The following EDIL3 variants were observed in gnomAD, a reference collection of about 807,000 sequenced individuals.
EDIL3 encodes EGF-like repeat and discoidin I-like domain-containing protein 3.
Under a neutral mutation model 67.4 loss-of-function variants are expected in EDIL3, and 37 were observed. The ratio of observed to expected loss-of-function variants is 0.55; its 90% confidence interval spans 0.42 to 0.72. EDIL3 has a LOEUF of 0.72. Among genes scored for constraint, EDIL3 ranks in the 30% least tolerant of loss-of-function variants. EDIL3 has a pLI of 0.00. For missense variants in EDIL3, 527 were observed against 586.3 expected (o/e 0.90, Z 1.04); for synonymous variants, 195 against 196.3 (o/e 0.99, Z 0.05).
chr5:84,285,225 A>G (rs187453518), intron 1 of EDIL3, among the ~76,000 whole-genome samples: 1 of 152,374 alleles, frequency 6.6e-6, no homozygotes, highest in Non-Finnish European at 1.5e-5. Flanking sequence ...ATTCTAAGGA[A>G]AAGCTTACTG....
At chr5:84,221,835 T>A (rs188607031) in intron 3 of EDIL3, among the ~76,000 whole-genome samples, 54 of 152,140 alleles carry the variant, frequency 3.5e-4, no homozygotes, top group African/African-American at 1.2e-3. Flanking sequence ...AGGGAAAATA[T>A]GTATTTATGT....
At chr5:84,303,660 A>G (rs899944394) in intron 1 of EDIL3, among the ~76,000 whole-genome samples, 1 of 152,234 alleles carries the variant, frequency 6.6e-6, no homozygotes, top group Admixed American at 6.5e-5. Context: ...ATAATTTTTA[A>G]TTTCAAAAGT....
intron 9 of EDIL3, among the ~76,000 whole-genome samples, chr5:84,047,028 G>A (rs567085384): frequency 6.6e-6 from 1 of 152,134 alleles, no homozygotes; most frequent in East Asian, 1.9e-4. Flanking sequence ...TCAGTTCCTT[G>A]CACCTGACAT....
chr5:84,193,448 A>C (rs764042463), intron 3 of EDIL3, among the ~76,000 whole-genome samples: 8 of 151,934 alleles, frequency 5.3e-5, no homozygotes, highest in African/African-American at 2.4e-5. Flanking sequence ...GATCATGAGT[A>C]ATCTTTATGG....
At chr5:84,216,252 G>A (rs926302764) in intron 3 of EDIL3, among the ~76,000 whole-genome samples, 1 of 152,124 alleles carries the variant, frequency 6.6e-6, no homozygotes, top group Non-Finnish European at 1.5e-5. Context: ...ATGGATGAAG[G>A]CAGTCAGGGA....
intron 3 of EDIL3, among the ~76,000 whole-genome samples, chr5:84,201,405 T>C (rs1014299266): frequency 6.6e-6 from 1 of 152,108 alleles, no homozygotes; most frequent in Admixed American, 6.6e-5. Flanking sequence ...AAATGTTATG[T>C]AAGCTATACA....
chr5:83,947,495 G>A (rs4703977), intron 10 of EDIL3, among the ~76,000 whole-genome samples: 15,052 of 151,396 alleles, frequency 0.099, 1,022 homozygotes, highest in East Asian at 0.3. Context: ...TAATGGAGAA[G>A]TTAAATAAGA....
intron 9 of EDIL3, among the ~76,000 whole-genome samples, chr5:83,996,097 G>A (rs1034634159): frequency 1.3e-5 from 2 of 152,082 alleles, no homozygotes; most frequent in African/African-American, 4.8e-5. Context: ...AGGAGAGCAC[G>A]GTGTTTCTGA....
At chr5:84,019,557 TAAAATA>T (rs1414807697) in intron 9 of EDIL3, among the ~76,000 whole-genome samples, 1 of 151,454 alleles carries the variant, frequency 6.6e-6, no homozygotes, top group Non-Finnish European at 1.5e-5. Flanking sequence ...AATAAAAAAA[TAAAATA>T]AAAATAACAA....
chr5:84,378,975 T>C (rs1748025089), intron 1 of EDIL3, among the ~76,000 whole-genome samples: 1 of 152,096 alleles, frequency 6.6e-6, no homozygotes, highest in South Asian at 2.1e-4. Flanking sequence ...TCACTATCAA[T>C]TTTACAGTAG....
Position 84,005,000 on chromosome 5 carries a change from C to T in EDIL3, c.1138-41640G>A, listed in dbSNP as rs372205079. ...AAATAAACACAATCAGAAATGACAACGATGCCATTACAATTGATTCCGCAG... is the reference window on the plus strand; with the variant it reads ...AAATAAACACAATCAGAAATGACAATGATGCCATTACAATTGATTCCGCAG... On this transcript the variant is annotated intron_variant, in intron 9 of 10. Transcript: ENST00000296591. Among the ~76,000 whole-genome samples the T allele has an allele frequency of 1.2e-4, 18 of 151,976 alleles. No individual in the cohort carries two copies. The East Asian group carries it at 2.5e-3, about 21-fold the overall frequency.
chr5:84,271,170 A>T (rs1005522629), intron 1 of EDIL3, among the ~76,000 whole-genome samples: 3 of 152,174 alleles, frequency 2.0e-5, no homozygotes, highest in Non-Finnish European at 4.4e-5. Context: ...ATGAAATTAG[A>T]TGTGAAATTA....
At chr5:84,202,735 A>C (rs750544513) in intron 3 of EDIL3, among the ~76,000 whole-genome samples, 1 of 152,202 alleles carries the variant, frequency 6.6e-6, no homozygotes. Flanking sequence ...TGAAAATGAA[A>C]GTCTGAAATT....
intron 1 of EDIL3, among the ~76,000 whole-genome samples, chr5:84,356,730 A>T (rs999375061): frequency 6.6e-6 from 1 of 152,090 alleles, no homozygotes; most frequent in Admixed American, 6.6e-5. Flanking sequence ...TGCCTACCAC[A>T]ATCAGATAAA....
intron 9 of EDIL3, among the ~76,000 whole-genome samples, chr5:84,052,987 C>T (rs1746371575): frequency 6.6e-6 from 1 of 152,168 alleles, no homozygotes; most frequent in South Asian, 2.1e-4. Flanking sequence ...CTCTCCACCC[C>T]AAATCAACAG....
At position 84,190,841 on chromosome 5, in the gene EDIL3, A is replaced by G. The variant is rs193145228; in HGVS notation, c.227-10320T>C. On this transcript the variant is annotated intron_variant, in intron 3 of 10. Transcript: ENST00000296591. Reference sequence around the variant, plus strand: ...TCTCTTTTGTCTCCCTCACTGAATTATAAATTAGTTTTGCATAGGAACCTT... The same window carrying G: ...TCTCTTTTGTCTCCCTCACTGAATTGTAAATTAGTTTTGCATAGGAACCTT... 2.6e-5 allele frequency among the ~76,000 whole-genome samples: 4 copies of G among 152,004 alleles called. No individual in the cohort carries two copies. The East Asian group carries it at 7.8e-4, about 29-fold the overall frequency.
At chr5:83,999,645 C>T (rs1246692250) in intron 9 of EDIL3, among the ~76,000 whole-genome samples, 2 of 151,884 alleles carry the variant, frequency 1.3e-5, no homozygotes, top group Admixed American at 6.6e-5. Flanking sequence ...CTTAAAAGAT[C>T]TAGAAAATAG....
chr5:84,318,459 A>G (rs1324598509), intron 1 of EDIL3, among the ~76,000 whole-genome samples: 1 of 152,216 alleles, frequency 6.6e-6, no homozygotes, highest in Admixed American at 6.5e-5. Context: ...CAAAACAGAT[A>G]TATAGACCAA....
At chr5:83,945,029 A>G (rs1001886041) in intron 10 of EDIL3, among the ~76,000 whole-genome samples, 7 of 151,930 alleles carry the variant, frequency 4.6e-5, no homozygotes, top group African/African-American at 1.7e-4. Flanking sequence ...TCCTGGAAAG[A>G]AAAAAATCAT....
Sources: allele counts gnomAD v4.1 joint callset (sites outside exome capture counted in the v4.1 genomes callset), GRCh38; gene constraint gnomAD v4.1.1; transcripts MANE v1.5; gene names NCBI Gene and HGNC (gene_info 2026-07-23, HGNC 2026-07-21).